VPS41: variants seen among roughly 807,000 people sequenced by gnomAD.
VPS41 encodes vacuolar protein sorting-associated protein 41 homolog.
A neutral mutation model predicts 130.9 loss-of-function variants in VPS41; 85 were observed. That is an observed-to-expected ratio of 0.65 (90% CI 0.55 to 0.78). The LOEUF (loss-of-function observed/expected upper bound fraction) is 0.78. Among genes scored for constraint, VPS41 ranks in the 30% least tolerant of loss-of-function variants. The pLI is 0.00. For synonymous variants in VPS41, 335 were observed against 332.9 expected, an observed-to-expected ratio of 1.01 and a Z score of -0.07; for missense variants, 874 against 1,018.7, an observed-to-expected ratio of 0.86 and a Z score of 1.93.
At chr7:38,817,226 CCT>C (rs1415246076) in intron 7 of VPS41, among the ~76,000 whole-genome samples, 1 of 152,056 alleles carries the variant, frequency 6.6e-6, no homozygotes, top group Admixed American at 6.5e-5. Context: ...TTAAATGCTG[CCT>C]CTTTTTTGTG....
chr7:38,859,356 G>C (rs953062069), intron 4 of VPS41, among the ~76,000 whole-genome samples: 1 of 151,988 alleles, frequency 6.6e-6, no homozygotes, highest in Non-Finnish European at 1.5e-5. Flanking sequence ...GTCTACAGTA[G>C]TGTACACTAC....
chr7:38,888,300 A>G (rs1264284399), intron 2 of VPS41, among the ~76,000 whole-genome samples: 1 of 152,186 alleles, frequency 6.6e-6, no homozygotes, highest in East Asian at 1.9e-4. Flanking sequence ...GCAAAGACAC[A>G]CATAGGCTCA....
At chr7:38,839,139 C>T (rs1398532386) in intron 4 of VPS41, among the ~76,000 whole-genome samples, 1 of 152,236 alleles carries the variant, frequency 6.6e-6, no homozygotes, top group Non-Finnish European at 1.5e-5. Flanking sequence ...GTTGCCTATG[C>T]AACTTCATGC....
chr7:38,768,349 T>C (rs1422437092), intron 14 of VPS41, among the ~76,000 whole-genome samples: 2 of 152,150 alleles, frequency 1.3e-5, no homozygotes, highest in Non-Finnish European at 2.9e-5. Flanking sequence ...ACGTTGGGTG[T>C]TGATTTCTAC....
intron 9 of VPS41, among the ~76,000 whole-genome samples, chr7:38,792,076 TCATGCCA>T (rs1784545928): frequency 6.6e-6 from 1 of 152,126 alleles, no homozygotes; most frequent in African/African-American, 2.4e-5. Flanking sequence ...ATCTCGCTGG[TCATGCCA>T]CAGCTTGAGA....
rs754480245 is a variant in VPS41, at chr7:38,743,389, CT to C, written c.2122+12del. On this transcript the variant is annotated intron_variant, in intron 24 of 28. Transcript: ENST00000310301. ...AAAAAAAAGTTATAACCAGAGATGG[CT>C]TTTATGCTTACGTGGTTTGTCAATG... 1.2e-6 allele frequency: 2 copies of C among 1,613,644 alleles called. No individual in the cohort carries two copies. The highest frequency in any genetic ancestry group is 1.7e-6 in the Non-Finnish European group (2 of 1,179,710).
intron 5 of VPS41, among the ~76,000 whole-genome samples, chr7:38,829,084 G>A (rs188980972): frequency 1.6e-4 from 25 of 152,226 alleles, no homozygotes; most frequent in South Asian, 4.2e-4. Flanking sequence ...ATGTTTCAGC[G>A]GTGTGGATAA....
At chr7:38,891,422 G>T (rs915360491) in intron 2 of VPS41, among the ~76,000 whole-genome samples, 1 of 152,150 alleles carries the variant, frequency 6.6e-6, no homozygotes, top group Non-Finnish European at 1.5e-5. Flanking sequence ...GGGGTAGAGA[G>T]AAACCAGTAT....
At chr7:38,894,159 C>T (rs1313025592) in intron 2 of VPS41, among the ~76,000 whole-genome samples, 7 of 152,070 alleles carry the variant, frequency 4.6e-5, no homozygotes, top group African/African-American at 1.4e-4. Context: ...TTACAAAACA[C>T]GAGAAGAGAT....
chr7:38,781,465 C>A (rs1419261826), intron 10 of VPS41, among the ~76,000 whole-genome samples: 1 of 152,136 alleles, frequency 6.6e-6, no homozygotes, highest in Non-Finnish European at 1.5e-5. Context: ...ACACAGTGTG[C>A]TATTTTAATT....
intron 3 of VPS41, among the ~76,000 whole-genome samples, chr7:38,865,706 A>G (rs1786214471): frequency 6.6e-6 from 1 of 152,220 alleles, no homozygotes; most frequent in Non-Finnish European, 1.5e-5. Flanking sequence ...AACTTGCTCA[A>G]AGGCACAGAG....
chr7:38,901,291 G>C (rs533862839), intron 1 of VPS41, among the ~76,000 whole-genome samples: 109 of 152,306 alleles, frequency 7.2e-4, no homozygotes, highest in Non-Finnish European at 1.1e-3. Flanking sequence ...GGTTGTCTTA[G>C]TACATTTGTG....
chr7:38,888,226 C>A (rs1292956139), intron 2 of VPS41, among the ~76,000 whole-genome samples: 1 of 152,164 alleles, frequency 6.6e-6, no homozygotes, highest in Non-Finnish European at 1.5e-5. Flanking sequence ...TTAAAAGACA[C>A]AGACGCAAAC....
At chr7:38,797,003 G>C in intron 7 of VPS41, 139 bp from the exon 8 acceptor site, 1 of 925,802 alleles carries the variant, frequency 1.1e-6, no homozygotes, top group Non-Finnish European at 1.6e-6. Context: ...ACTTACAGTA[G>C]TATGTTATTT....
chr7:38,726,325 T>C lies in VPS41; in HGVS notation c.2486A>G (p.Asn829Ser). The C allele has an allele frequency of 6.2e-7, 1 of 1,603,872 alleles. No individual in the cohort carries two copies. Among genetic ancestry groups the C allele is most frequent in the East Asian group, 2.2e-5 (1 of 44,736 alleles). ...HKECLPMPSM[N>S]SAAQFCNICS... ...GATGTTGCAGAACTGTGCAGCAGAG[T>C]TCTAAAAATGCAATTTAAAAACACA... is the stretch of plus-strand genomic sequence containing the variant. The change falls in exon 29 of 29, where the codon AAC becomes AGC. Residue 829 changes from asparagine to serine, a missense_variant and splice_region_variant. Transcript: ENST00000310301.
intron 27 of VPS41, 28 bp from the exon 28 acceptor site, chr7:38,727,016 G>T: frequency 6.7e-7 from 1 of 1,495,512 alleles, no homozygotes; most frequent in South Asian, 1.4e-5. Flanking sequence ...GAAAGGAGGA[G>T]AACTTAATGC....
intron 23 of VPS41, among the ~76,000 whole-genome samples, chr7:38,745,062 G>T (rs1372901082): frequency 6.6e-6 from 1 of 152,132 alleles, no homozygotes; most frequent in Non-Finnish European, 1.5e-5. Flanking sequence ...GGTATGCATG[G>T]TACAAAAATT....
chr7:38,881,943 C>A (rs1786618929), intron 2 of VPS41, among the ~76,000 whole-genome samples: 1 of 152,158 alleles, frequency 6.6e-6, no homozygotes, highest in Admixed American at 6.5e-5. Flanking sequence ...TTTCTGAATA[C>A]CTTTTAATGC....
Position 38,845,275 on chromosome 7 carries a change from C to T in VPS41, c.247-14947G>A, listed in dbSNP as rs193061191. Among the ~76,000 whole-genome samples, 34 of 152,322 alleles carry T rather than the reference C, an allele frequency of 2.2e-4. No individual in the cohort carries two copies. The East Asian group carries it at 6.4e-3, about 28-fold the overall frequency. On this transcript the variant is annotated intron_variant, in intron 4 of 28. Coordinates refer to ENST00000310301, the MANE Select transcript of VPS41 (RefSeq NM_014396.4). The stretch of plus-strand genomic sequence containing the variant: ...ACTTCAATAAAAGGAAAAAAACAGG[C>T]TTTTGGTACAAATCATCTCTTTTAT...
Sources: allele counts gnomAD v4.1 joint callset (sites outside exome capture counted in the v4.1 genomes callset), GRCh38; gene constraint gnomAD v4.1.1; transcripts MANE v1.5; gene names NCBI Gene and HGNC (gene_info 2026-07-23, HGNC 2026-07-21).